CCSER2: variants seen among roughly 807,000 people sequenced by gnomAD.
CCSER2 encodes the protein coiled-coil serine rich protein 2, also known as serine-rich coiled-coil domain-containing protein 2.
CCSER2 carries 46 observed loss-of-function variants against 92.3 expected under a neutral mutation model. The ratio of observed to expected loss-of-function variants is 0.50; its 90% CI spans 0.39 to 0.64. CCSER2 has a LOEUF of 0.64. Among genes scored for constraint, CCSER2 ranks in the 30% least tolerant of loss-of-function variants. The probability of loss-of-function intolerance (pLI) is 0.00; values close to 1 mark genes in which losing one functional copy is unlikely to be tolerated. For synonymous variants in CCSER2, 433 were observed against 431.4 expected (o/e 1.00, Z -0.04); for missense variants, 1,244 against 1,238.9 (o/e 1.00, Z -0.06).
intron 1 of CCSER2, among the ~76,000 whole-genome samples, chr10:84,332,293 C>A (rs1165351897): frequency 6.6e-6 from 1 of 150,914 alleles, no homozygotes; most frequent in Non-Finnish European, 1.5e-5. Flanking sequence ...TTATTGGAAT[C>A]TTCTCACCAA....
At chr10:84,410,723 C>G (rs1842606595) in intron 3 of CCSER2, among the ~76,000 whole-genome samples, 1 of 152,128 alleles carries the variant, frequency 6.6e-6, no homozygotes, top group Non-Finnish European at 1.5e-5. Flanking sequence ...GTTGTCTGTT[C>G]ACCCTTATGA....
intron 3 of CCSER2, among the ~76,000 whole-genome samples, chr10:84,408,525 T>C (rs1003246203): frequency 6.6e-6 from 1 of 152,168 alleles, no homozygotes; most frequent in Non-Finnish European, 1.5e-5. Context: ...TAGAGTGATA[T>C]AATTATTCTG....
At chr10:84,511,124 A>G (rs1849325890) in intron 9 of CCSER2, among the ~76,000 whole-genome samples, 1 of 152,244 alleles carries the variant, frequency 6.6e-6, no homozygotes, top group African/African-American at 2.4e-5. Flanking sequence ...TAGTTTAGAC[A>G]TTTATTTATA....
chr10:84,414,323 G>T (rs1842790998), intron 3 of CCSER2, among the ~76,000 whole-genome samples: 1 of 152,194 alleles, frequency 6.6e-6, no homozygotes, highest in Admixed American at 6.5e-5. Flanking sequence ...TCCGTCAGGA[G>T]CTCTTGCAAA....
At chr10:84,338,747 C>T (rs955550676) in intron 1 of CCSER2, among the ~76,000 whole-genome samples, 18 of 152,176 alleles carry the variant, frequency 1.2e-4, no homozygotes, top group Admixed American at 1.1e-3. Flanking sequence ...CTCTACCACC[C>T]CTTTTTTTCC....
At chr10:84,492,791 G>C (rs1368367803) in intron 9 of CCSER2, among the ~76,000 whole-genome samples, 2 of 152,084 alleles carry the variant, frequency 1.3e-5, no homozygotes, top group Non-Finnish European at 2.9e-5. Flanking sequence ...AATCTCATAG[G>C]CCTGAAATAA....
At chr10:84,420,901 C>A (rs144412047) in intron 4 of CCSER2, among the ~76,000 whole-genome samples, 1 of 142,210 alleles carries the variant, frequency 7.0e-6, no homozygotes, top group African/African-American at 2.6e-5. Context: ...CTACTGCACT[C>A]CAGCCTGGGC....
chr10:84,330,939 A>C (rs140600578), intron 1 of CCSER2, among the ~76,000 whole-genome samples: 190 of 152,310 alleles, frequency 1.2e-3, no homozygotes, highest in African/African-American at 4.3e-3. Context: ...GGCGGGGATT[A>C]CAGTCCAGGT....
chr10:84,504,571 T>C (rs1848944838), intron 9 of CCSER2, among the ~76,000 whole-genome samples: 1 of 152,222 alleles, frequency 6.6e-6, no homozygotes, highest in Admixed American at 6.5e-5. Context: ...AATTGTTCTC[T>C]TGAAATTCAT....
chr10:84,456,665 G>A (rs1845642505), intron 6 of CCSER2, among the ~76,000 whole-genome samples: 1 of 152,052 alleles, frequency 6.6e-6, no homozygotes, highest in Admixed American at 6.6e-5. Context: ...CTACCAAACT[G>A]TTTTCCTTGG....
intron 1 of CCSER2, among the ~76,000 whole-genome samples, chr10:84,340,308 T>C (rs1844103951): frequency 6.6e-6 from 1 of 152,236 alleles, no homozygotes; most frequent in Admixed American, 6.5e-5. Flanking sequence ...TGTATTTTAC[T>C]GTTTGTTTTC....
At chr10:84,382,109 G>A (rs1240686370) in intron 3 of CCSER2, among the ~76,000 whole-genome samples, 1 of 152,056 alleles carries the variant, frequency 6.6e-6, no homozygotes, top group East Asian at 1.9e-4. Flanking sequence ...TATCCTGCTG[G>A]AATAAATCTT....
intron 9 of CCSER2, among the ~76,000 whole-genome samples, chr10:84,502,811 G>A (rs1172613778): frequency 2.0e-5 from 3 of 152,200 alleles, no homozygotes; most frequent in Non-Finnish European, 4.4e-5. Flanking sequence ...AGACCTTCTA[G>A]TATGAAGATA....
intron 9 of CCSER2, chr10:84,500,101 TCTC>T: frequency 1.8e-6 from 2 of 1,105,888 alleles, no homozygotes; most frequent in Non-Finnish European, 2.6e-6. Context: ...CTCTCTGTGG[TCTC>T]CTCTCTTAAC....
chr10:84,349,511 C>T (rs939545541), intron 1 of CCSER2, among the ~76,000 whole-genome samples: 3 of 151,864 alleles, frequency 2.0e-5, no homozygotes, highest in African/African-American at 7.3e-5. Context: ...CCCGCCCACC[C>T]CCGTCTACAA....
At chr10:84,424,676 T>TA (rs2133427391) in intron 4 of CCSER2, among the ~76,000 whole-genome samples, 1 of 152,288 alleles carries the variant, frequency 6.6e-6, no homozygotes, top group East Asian at 1.9e-4. Context: ...TTTTTTTTTT[T>TA]AATGGGGATT....
At chr10:84,377,152 ATC>A (rs1311706505) in intron 3 of CCSER2, among the ~76,000 whole-genome samples, 2 of 151,908 alleles carry the variant, frequency 1.3e-5, no homozygotes, top group Admixed American at 6.6e-5. Context: ...TGCTTTTGAA[ATC>A]TCTTAGTGTC....
intron 3 of CCSER2, among the ~76,000 whole-genome samples, chr10:84,402,762 T>C (rs1007089714): frequency 1.3e-5 from 2 of 152,186 alleles, no homozygotes; most frequent in African/African-American, 4.8e-5. Flanking sequence ...ACCACTCTTA[T>C]TCAATGTAGT....
intron 1 of CCSER2, among the ~76,000 whole-genome samples, chr10:84,334,711 A>T (rs780951586): frequency 6.6e-6 from 1 of 152,020 alleles, no homozygotes; most frequent in African/African-American, 2.4e-5. Flanking sequence ...TTTGTACTTT[A>T]TAGCTACGTA....
Sources: allele counts gnomAD v4.1 joint callset (sites outside exome capture counted in the v4.1 genomes callset), GRCh38; gene constraint gnomAD v4.1.1; transcripts MANE v1.5; gene names NCBI Gene and HGNC (gene_info 2026-07-23, HGNC 2026-07-21).